DESI2: variants seen among roughly 807,000 people sequenced by gnomAD.
The protein encoded by DESI2 is deubiquitinase DESI2.
Under a neutral mutation model 24.1 loss-of-function variants are expected in DESI2, and 10 were observed. The ratio of observed to expected loss-of-function variants is 0.41; its 90% confidence interval spans 0.26 to 0.70. The LOEUF is 0.70. Ranked by LOEUF, DESI2 falls within the 30% of genes least tolerant of loss-of-function variation. The pLI, the probability that DESI2 is intolerant of heterozygous loss-of-function variation, is 0.29. For missense variants in DESI2, 122 were observed against 234.9 expected (o/e 0.52, Z 3.14); for synonymous variants, 71 against 87.7 (o/e 0.81, Z 1.06).
At chr1:244,666,402 T>C (rs1558652607) in intron 1 of DESI2, among the ~76,000 whole-genome samples, 2 of 152,218 alleles carry the variant, frequency 1.3e-5, no homozygotes, top group Non-Finnish European at 2.9e-5. Flanking sequence ...CAGTTTTTTT[T>C]TACTTTCTAC....
intron 1 of DESI2, among the ~76,000 whole-genome samples, chr1:244,660,455 C>T (rs749658935): frequency 7.2e-5 from 11 of 152,178 alleles, no homozygotes; most frequent in Non-Finnish European, 1.3e-4. Context: ...CGTGAGCCAC[C>T]GCACCCGGTC....
At chr1:244,669,178 G>A (rs1293397209) in intron 1 of DESI2, among the ~76,000 whole-genome samples, 1 of 151,842 alleles carries the variant, frequency 6.6e-6, no homozygotes, top group Non-Finnish European at 1.5e-5. Context: ...TAATTTTTTT[G>A]TAGAGATAGG....
intron 4 of DESI2, among the ~76,000 whole-genome samples, chr1:244,703,863 T>TTA (rs1293658813): frequency 6.6e-6 from 1 of 152,096 alleles, no homozygotes; most frequent in Admixed American, 6.6e-5. Flanking sequence ...TTTCACTGTG[T>TTA]TAGCCAGGAT....
intron 4 of DESI2, among the ~76,000 whole-genome samples, chr1:244,703,654 T>C (rs995051672): frequency 8.2e-6 from 1 of 121,804 alleles, no homozygotes; most frequent in Non-Finnish European, 1.8e-5. Context: ...CCTGGCCTCA[T>C]GTACACTTTT....
chr1:244,676,070 T>A (rs1676404525), intron 1 of DESI2, among the ~76,000 whole-genome samples: 1 of 107,354 alleles, frequency 9.3e-6, no homozygotes, highest in South Asian at 3.8e-4. Context: ...TGCTAGTGTA[T>A]AGAAATACAA....
intron 1 of DESI2, among the ~76,000 whole-genome samples, chr1:244,665,305 G>C (rs1027772499): frequency 3.3e-5 from 5 of 152,058 alleles, no homozygotes; most frequent in African/African-American, 1.2e-4. Flanking sequence ...GCACAGTCTT[G>C]AACAAGAGCT....
chr1:244,705,960 C>T lies in DESI2; in HGVS notation c.*171C>T, dbSNP rs1397935123. 10 of 594,562 alleles carry T rather than the reference C, an allele frequency of 1.7e-5. No individual in the cohort carries two copies. The highest frequency in any genetic ancestry group is 1.0e-4 in the South Asian group (5 of 47,786). The allele number at this position is 594,562 out of a possible 1,614,324, so 36.8% of individuals were successfully genotyped here. ...TAATCAAAAAAAAAAAATCACTTGG[C>T]GCAGGAGGGAGAACTTTGTAAGAAG... On this transcript the variant is annotated 3_prime_UTR_variant, in exon 5 of 5. Coordinates refer to ENST00000302550, the MANE Select transcript of DESI2 (RefSeq NM_016076.5).
At chr1:244,703,061 G>A (rs1308101977) in intron 4 of DESI2, among the ~76,000 whole-genome samples, 1 of 148,554 alleles carries the variant, frequency 6.7e-6, no homozygotes, top group Non-Finnish European at 1.5e-5. Context: ...GAGTGCAGTG[G>A]CACGATCTCA....
intron 4 of DESI2, among the ~76,000 whole-genome samples, chr1:244,704,735 T>A (rs1371567112): frequency 6.6e-6 from 1 of 152,222 alleles, no homozygotes; most frequent in Non-Finnish European, 1.5e-5. Context: ...GTCAGCTCAC[T>A]GCAACCTCCG....
chr1:244,687,545 C>G (rs545470854), intron 2 of DESI2, among the ~76,000 whole-genome samples: 1 of 152,280 alleles, frequency 6.6e-6, no homozygotes, highest in South Asian at 2.1e-4. Flanking sequence ...GAGGGTTACC[C>G]CTGAACACTA....
At chr1:244,698,038 G>A (rs1278550282) in intron 4 of DESI2, among the ~76,000 whole-genome samples, 5 of 152,204 alleles carry the variant, frequency 3.3e-5, no homozygotes, top group African/African-American at 9.6e-5. Flanking sequence ...CTGCAGTGAG[G>A]AAGGTGCCGG....
At chr1:244,699,252 G>C (rs1051607237) in intron 4 of DESI2, among the ~76,000 whole-genome samples, 1 of 152,104 alleles carries the variant, frequency 6.6e-6, no homozygotes, top group Non-Finnish European at 1.5e-5. Flanking sequence ...ATTCTGACCA[G>C]TTCTGAAAAT....
intron 1 of DESI2, among the ~76,000 whole-genome samples, chr1:244,670,950 C>T (rs542774858): frequency 2.8e-4 from 43 of 152,296 alleles, no homozygotes; most frequent in African/African-American, 1.0e-3. Flanking sequence ...AGAAGAAACG[C>T]TCTTGGAATC....
intron 1 of DESI2, among the ~76,000 whole-genome samples, chr1:244,671,907 G>A (rs1676260548): frequency 6.6e-6 from 1 of 152,120 alleles, no homozygotes; most frequent in East Asian, 1.9e-4. Context: ...ACCTGTGTAG[G>A]GAGATTTTTA....
chr1:244,703,741 C>T lies in DESI2; in HGVS notation c.352-1815C>T, dbSNP rs549882197. Among the ~76,000 whole-genome samples, 77 of 151,524 alleles carry T rather than the reference C, an allele frequency of 5.1e-4. 2 individuals carry two copies. The Middle Eastern group carries it at 0.01, about 20-fold the overall frequency. ...TGGTGCGATCTCGGCTCACTGCAAGCTCCGCCTCCCAGATTCACGCCATTC... is the reference window on the plus strand; with the variant it reads ...TGGTGCGATCTCGGCTCACTGCAAGTTCCGCCTCCCAGATTCACGCCATTC... On this transcript the variant is annotated intron_variant, in intron 4 of 4. Coordinates refer to ENST00000302550, the MANE Select transcript of DESI2 (RefSeq NM_016076.5).
At chr1:244,662,190 T>G (rs1675871455) in intron 1 of DESI2, among the ~76,000 whole-genome samples, 1 of 152,232 alleles carries the variant, frequency 6.6e-6, no homozygotes, top group South Asian at 2.1e-4. Flanking sequence ...GTCTTTTGGC[T>G]GCATAAATGT....
At chr1:244,704,058 A>G (rs949784450) in intron 4 of DESI2, among the ~76,000 whole-genome samples, 10 of 152,160 alleles carry the variant, frequency 6.6e-5, no homozygotes, top group Non-Finnish European at 1.5e-4. Context: ...CTCAAGTGAG[A>G]CCATCTGACT....
At chr1:244,665,917 CTG>C (rs1676027821) in intron 1 of DESI2, among the ~76,000 whole-genome samples, 2 of 152,224 alleles carry the variant, frequency 1.3e-5, no homozygotes, top group Admixed American at 1.3e-4. Flanking sequence ...GTCACTCCCT[CTG>C]TCATACTTGT....
chr1:244,703,436 G>C (rs1045519419), intron 4 of DESI2, among the ~76,000 whole-genome samples: 12 of 152,008 alleles, frequency 7.9e-5, no homozygotes, highest in South Asian at 2.1e-4. Flanking sequence ...GCTCTCTGCA[G>C]CTTCAACCTC....
Sources: allele counts gnomAD v4.1 joint callset (sites outside exome capture counted in the v4.1 genomes callset), GRCh38; gene constraint gnomAD v4.1.1; transcripts MANE v1.5; gene names NCBI Gene and HGNC (gene_info 2026-07-23, HGNC 2026-07-21).